Variants in MARCHF4 observed in about 807,000 individuals in gnomAD.
MARCHF4 encodes membrane associated ring-CH-type finger 4.
MARCHF4 carries 14 observed loss-of-function variants against 43.9 expected under a neutral mutation model. That is an observed-to-expected ratio of 0.32 (90% CI 0.21 to 0.50). MARCHF4 has a LOEUF of 0.50. Ranked by LOEUF, MARCHF4 falls within the 20% of genes least tolerant of loss-of-function variation. The pLI is 0.98. For missense variants in MARCHF4, 468 were observed against 536.7 expected (o/e 0.87, Z 1.27); for synonymous variants, 226 against 213.3 (o/e 1.06, Z -0.52).
intron 1 of MARCHF4, among the ~76,000 whole-genome samples, chr2:216,339,467 A>G (rs991790077): frequency 4.6e-5 from 7 of 152,212 alleles, no homozygotes; most frequent in African/African-American, 1.7e-4. Context: ...TCTAATTAGC[A>G]GGTGCTGAGC....
At chr2:216,319,432 C>T (rs758263640) in intron 1 of MARCHF4, among the ~76,000 whole-genome samples, 103 of 152,062 alleles carry the variant, frequency 6.8e-4, no homozygotes, top group Non-Finnish European at 2.5e-4. Context: ...CATAAATGCT[C>T]GTGGAATCAA....
intron 2 of MARCHF4, among the ~76,000 whole-genome samples, chr2:216,280,570 G>A (rs1180003370): frequency 2.0e-5 from 3 of 152,160 alleles, no homozygotes; most frequent in Non-Finnish European, 4.4e-5. Context: ...GTGCTTTGAA[G>A]GGCATTCTTA....
At chr2:216,295,849 C>T (rs1283550153) in intron 1 of MARCHF4, among the ~76,000 whole-genome samples, 1 of 152,182 alleles carries the variant, frequency 6.6e-6, no homozygotes. Flanking sequence ...GAGGAAAGAA[C>T]AAAACAGATA....
chr2:216,310,818 G>A (rs1691674183), intron 1 of MARCHF4, among the ~76,000 whole-genome samples: 1 of 152,108 alleles, frequency 6.6e-6, no homozygotes, highest in African/African-American at 2.4e-5. Flanking sequence ...GCTTCATCCT[G>A]CACAAGAGAG....
chr2:216,332,435 A>G (rs1437030714), intron 1 of MARCHF4, among the ~76,000 whole-genome samples: 1 of 151,738 alleles, frequency 6.6e-6, no homozygotes, highest in Admixed American at 6.6e-5. Flanking sequence ...GAAAAAAACT[A>G]AAAACCCGAA....
chr2:216,318,775 C>T (rs948248737), intron 1 of MARCHF4, among the ~76,000 whole-genome samples: 1 of 151,978 alleles, frequency 6.6e-6, no homozygotes, highest in Non-Finnish European at 1.5e-5. Flanking sequence ...ACACAGAAAG[C>T]GCTTACAGCT....
chr2:216,294,450 G>A (rs972341995), intron 1 of MARCHF4, among the ~76,000 whole-genome samples: 2 of 152,252 alleles, frequency 1.3e-5, no homozygotes, highest in South Asian at 2.1e-4. Context: ...CTTCACTAAT[G>A]TTCCGGATCA....
intron 1 of MARCHF4, among the ~76,000 whole-genome samples, chr2:216,321,264 T>C (rs1691891536): frequency 6.6e-6 from 1 of 152,000 alleles, no homozygotes; most frequent in Admixed American, 6.6e-5. Context: ...TGCCAGGCAA[T>C]AGGAATGCAA....
chr2:216,273,219 T>C (rs1327015527), intron 3 of MARCHF4, among the ~76,000 whole-genome samples: 2 of 152,262 alleles, frequency 1.3e-5, no homozygotes, highest in Non-Finnish European at 2.9e-5. Flanking sequence ...AAATACATTG[T>C]TAACGATTTG....
intron 1 of MARCHF4, among the ~76,000 whole-genome samples, chr2:216,289,603 C>T (rs895684603): frequency 6.6e-6 from 1 of 152,160 alleles, no homozygotes; most frequent in Non-Finnish European, 1.5e-5. Flanking sequence ...TTTCATTTTT[C>T]ACATCTTTCA....
chr2:216,345,683 C>T (rs1020552902), intron 1 of MARCHF4, among the ~76,000 whole-genome samples: 2 of 152,182 alleles, frequency 1.3e-5, no homozygotes, highest in East Asian at 3.8e-4. Context: ...GAACCACTGA[C>T]CCCTTTGCTG....
At chr2:216,351,852 T>TCACCTACCCTCA (rs1692408874) in intron 1 of MARCHF4, among the ~76,000 whole-genome samples, 4 of 152,192 alleles carry the variant, frequency 2.6e-5, no homozygotes, top group African/African-American at 9.6e-5. Flanking sequence ...TGAGGGTAGG[T>TCACCTACCCTCA]GGTAATAATG....
At chr2:216,278,028 A>G (rs1280029072) in intron 2 of MARCHF4, among the ~76,000 whole-genome samples, 164 bp from the exon 3 acceptor site, 1 of 152,176 alleles carries the variant, frequency 6.6e-6, no homozygotes, top group East Asian at 1.9e-4. Context: ...TGAATTTCAC[A>G]TTGAACTTTT....
At position 216,372,422 on chromosome 2, in the gene MARCHF4, G is replaced by A. The variant is rs1279655747; in HGVS notation, c.-2162C>T. Among the ~76,000 whole-genome samples, 1 of 152,164 alleles carries A rather than the reference G, an allele frequency of 6.6e-6. No homozygotes were observed. The highest frequency in any genetic ancestry group is 1.5e-5 in the Non-Finnish European group (1 of 68,038). On this transcript the variant is annotated 5_prime_UTR_variant, in exon 1 of 4. Coordinates refer to ENST00000273067, the MANE Select transcript of MARCHF4 (RefSeq NM_020814.3). ...GCAGACGCCGCGGAGGGATGGAGGA[G>A]GGAAAGGGGATGAGAGGAAAAGAAG...
At chr2:216,293,235 G>T (rs1402154925) in intron 1 of MARCHF4, among the ~76,000 whole-genome samples, 2 of 152,114 alleles carry the variant, frequency 1.3e-5, no homozygotes, top group African/African-American at 2.4e-5. Context: ...TCCCTTCCCA[G>T]CCAGCTCATG....
At chr2:216,263,529 G>GAGAGAGAAAGAGAGAGAGAGAA (rs1690786104) in intron 3 of MARCHF4, among the ~76,000 whole-genome samples, 1 of 149,502 alleles carries the variant, frequency 6.7e-6, no homozygotes, top group African/African-American at 2.5e-5. Context: ...GAGAGAGAGA[G>GAGAGAGAAAGAGAGAGAGAGAA]AGAGAGAGAA....
chr2:216,332,409 G>A (rs1273571170), intron 1 of MARCHF4, among the ~76,000 whole-genome samples: 12 of 146,484 alleles, frequency 8.2e-5, no homozygotes, highest in Admixed American at 6.8e-5. Context: ...AAAAAAGAAA[G>A]AAAGAAAAGA....
intron 3 of MARCHF4, among the ~76,000 whole-genome samples, chr2:216,276,142 T>C (rs907049495): frequency 4.6e-5 from 7 of 152,256 alleles, no homozygotes; most frequent in African/African-American, 1.7e-4. Context: ...CAGGAAAGCA[T>C]GTCTTATAGG....
Position 216,288,899 on chromosome 2 carries a change from A to G in MARCHF4, c.517-5170T>C, listed in dbSNP as rs552132378. Among the ~76,000 whole-genome samples, 10 of 152,170 alleles carry G rather than the reference A, an allele frequency of 6.6e-5. No individual in the cohort carries two copies. The South Asian group carries it at 1.5e-3, about 22-fold the overall frequency. ...GCATAAAAGCAGGACATAGATTTACAAAGACAAAAGTTATCCTGCCTCTCC... is the reference window on the plus strand; with the variant it reads ...GCATAAAAGCAGGACATAGATTTACGAAGACAAAAGTTATCCTGCCTCTCC... On this transcript the variant is annotated intron_variant, in intron 1 of 3. Coordinates refer to ENST00000273067, the MANE Select transcript of MARCHF4 (RefSeq NM_020814.3).
Sources: allele counts gnomAD v4.1 joint callset (sites outside exome capture counted in the v4.1 genomes callset), GRCh38; gene constraint gnomAD v4.1.1; transcripts MANE v1.5; gene names NCBI Gene and HGNC (gene_info 2026-07-23, HGNC 2026-07-21).